The following EP300 variants were observed in gnomAD, a reference collection of about 807,000 sequenced individuals.
The protein encoded by EP300 is EP300 lysine acetyltransferase.
In EP300, 31 loss-of-function variants were observed where a neutral mutation model predicts 264.0. That is an observed-to-expected ratio of 0.12 (90% confidence interval 0.09 to 0.16). The LOEUF (loss-of-function observed/expected upper bound fraction) is 0.16, where lower values mean the gene tolerates loss of function less well. EP300 is among the 10% of genes least tolerant of loss of function. The probability of loss-of-function intolerance (pLI) is 1.00; values close to 1 mark genes in which losing one functional copy is unlikely to be tolerated. For missense variants in EP300, 2,766 were observed against 3,052.9 expected, an observed-to-expected ratio of 0.91 and a Z score of 2.21; for synonymous variants, 1,340 against 1,045.4, an observed-to-expected ratio of 1.28 and a Z score of -5.44.
At chr22:41,110,228 A>G (rs1014054458) in intron 1 of EP300, among the ~76,000 whole-genome samples, 18 of 143,136 alleles carry the variant, frequency 1.3e-4, no homozygotes, top group African/African-American at 3.6e-4. Context: ...CCTGGGCTCA[A>G]GCAGGCCCTT....
At chr22:41,163,415 A>G (rs2145755602) in intron 21 of EP300, among the ~76,000 whole-genome samples, 1 of 131,854 alleles carries the variant, frequency 7.6e-6, no homozygotes, top group East Asian at 2.2e-4. Flanking sequence ...AGCCTGGGCG[A>G]CAGAGCGAGA....
In EP300 at chr22:41,127,765, G is replaced by C; in HGVS notation, c.1168+17G>C. The stretch of plus-strand genomic sequence containing the variant: ...CTTGCCAAGGTAAGTGGACCCACAG[G>C]GTTACTGTACTTAGCAATTTTTACA... On this transcript the variant is annotated intron_variant, in intron 4 of 30. Coordinates refer to ENST00000263253, the MANE Select transcript of EP300 (RefSeq NM_001429.4). 1.2e-6 allele frequency: 2 copies of C among 1,613,950 alleles called. No homozygotes were observed. Among genetic ancestry groups the C allele is most frequent in the African/African-American group, 2.7e-5 (2 of 75,054 alleles).
chr22:41,116,812 G>T (rs1474152500), intron 1 of EP300, among the ~76,000 whole-genome samples: 1 of 152,130 alleles, frequency 6.6e-6, no homozygotes, highest in Non-Finnish European at 1.5e-5. Flanking sequence ...TGTAATCCCA[G>T]CACTTTGGAA....
Position 41,179,683 on chromosome 22 carries a change from G to A in EP300, c.*727G>A, listed in dbSNP as rs2145527348. The A allele has an allele frequency of 4.4e-6, 1 of 228,886 alleles. No individual in the cohort carries two copies. The highest frequency in any genetic ancestry group is 8.7e-6 in the Non-Finnish European group (1 of 115,528). The allele number at this position is 228,886 out of a possible 1,614,324, so 14.2% of individuals were successfully genotyped here. A position where few individuals can be genotyped will look rare whatever the true frequency, so the allele number is the denominator to read the frequency against. ...AATGACTTTTTCAAAAATATACAGGGGCAGCTGCCAAATTGATGTATTATA... is the reference window on the plus strand; with the variant it reads ...AATGACTTTTTCAAAAATATACAGGAGCAGCTGCCAAATTGATGTATTATA... On this transcript the variant is annotated 3_prime_UTR_variant, in exon 31 of 31. Transcript: ENST00000263253.
chr22:41,160,959 C>T (rs1416364488), intron 20 of EP300, among the ~76,000 whole-genome samples: 1 of 151,122 alleles, frequency 6.6e-6, no homozygotes, highest in African/African-American at 2.4e-5. Context: ...ACACAGAGAA[C>T]ATATCCATCA....
chr22:41,146,765 A>T lies in EP300; in HGVS notation c.2080A>T (p.Ile694Phe), dbSNP rs757439018. ...TGGCCCTCTACCTGACCCAAGTATG[A>T]TCCGTGGCAGTGTGCCAAACCAGAT... ...SNGPLPDPSM[I>F]RGSVPNQMMP... The change falls in exon 11 of 31, where the codon ATC becomes TTC. Residue 694 changes from isoleucine (I) to phenylalanine (F), a missense_variant. Transcript: ENST00000263253. The T allele has an allele frequency of 6.2e-7, 1 of 1,614,144 alleles. No homozygotes were observed. The highest frequency in any genetic ancestry group is 1.1e-5 in the South Asian group (1 of 91,082).
rs778019402 is a variant in EP300 at position 41,177,796 on chromosome 22, C to T, written c.6085C>T (p.Pro2029Ser). The change falls in exon 31 of 31, where the codon CCA becomes TCA. Residue 2029 changes from proline (P) to serine (S), a missense_variant. Transcript: ENST00000263253. The part of the protein sequence containing the change: ...AQHGQPLNMA[P>S]QPGLGQVGIS... ...GCATGGTCAACCTTTGAACATGGCT[C>T]CACAACCAGGATTGGGCCAGGTAGG... The T allele has an allele frequency of 6.2e-6, 10 of 1,613,922 alleles. No homozygotes were observed. The South Asian group carries it at 1.1e-4, about 18-fold the overall frequency.
intron 28 of EP300, among the ~76,000 whole-genome samples, chr22:41,173,014 T>C (rs2059179713): frequency 6.6e-6 from 1 of 152,306 alleles, no homozygotes; most frequent in East Asian, 1.9e-4. Context: ...TTTCTGTCTT[T>C]TAAAAACACA....
Position 41,177,530 on chromosome 22 carries a change from G to A in EP300, c.5819G>A (p.Arg1940His), listed in dbSNP as rs749239035. The A allele has an allele frequency of 1.2e-6, 2 of 1,614,136 alleles. No individual in the cohort carries two copies. The highest frequency in any genetic ancestry group is 1.7e-6 in the Non-Finnish European group (2 of 1,180,042). ...ATTCAGAGAGCAGCGGAGACGCAGC[G>A]CCAGATGGCCCACGTGCAAATTTTT... is the stretch of plus-strand genomic sequence containing the variant. ...MQIQRAAETQ[R>H]QMAHVQIFQR... The change falls in exon 31 of 31, where the codon CGC becomes CAC. Residue 1940 changes from arginine to histidine, a missense_variant. By Grantham distance (29) the Arg-to-His change is conservative. Transcript: ENST00000263253.
At chr22:41,140,996 TG>T in intron 9 of EP300, 51 bp from the exon 10 acceptor site, 1 of 1,538,816 alleles carries the variant, frequency 6.5e-7, no homozygotes, top group Non-Finnish European at 8.9e-7. Context: ...TGTTACCTGG[TG>T]GTAGTTCCTT....
intron 11 of EP300, among the ~76,000 whole-genome samples, chr22:41,147,508 C>A (rs949699675): frequency 1.3e-5 from 2 of 151,980 alleles, no homozygotes; most frequent in Non-Finnish European, 2.9e-5. Context: ...GAGGCTGAGG[C>A]GGGCAGATCA....
At chr22:41,128,096 G>A (rs1414013384) in intron 4 of EP300, among the ~76,000 whole-genome samples, 1 of 152,182 alleles carries the variant, frequency 6.6e-6, no homozygotes, top group Non-Finnish European at 1.5e-5. Flanking sequence ...AGCCCAGGAA[G>A]TCAAGGCTGC....
intron 22 of EP300, among the ~76,000 whole-genome samples, chr22:41,164,710 G>A (rs2059125472): frequency 1.3e-5 from 2 of 152,158 alleles, no homozygotes; most frequent in African/African-American, 2.4e-5. Context: ...GTGAGACTCT[G>A]TCTCAAAGAA....
chr22:41,096,701 C>T (rs1272278227), intron 1 of EP300, among the ~76,000 whole-genome samples: 5 of 146,902 alleles, frequency 3.4e-5, no homozygotes, highest in Non-Finnish European at 4.5e-5. Context: ...TCACTGCAAT[C>T]TCAACCTCCC....
chr22:41,118,490 T>C (rs1209384342), intron 2 of EP300, among the ~76,000 whole-genome samples: 2 of 152,294 alleles, frequency 1.3e-5, no homozygotes, highest in Non-Finnish European at 2.9e-5. Flanking sequence ...TCTGTTTTTC[T>C]TAAAATGGGA....
At chr22:41,170,277 T>C (rs2059162010) in intron 26 of EP300, 129 bp from the exon 27 acceptor site, 1 of 817,196 alleles carries the variant, frequency 1.2e-6, no homozygotes. Flanking sequence ...CATTCTGGGT[T>C]ATATATACAC....
Position 41,154,851 on chromosome 22 carries a change from G to T in EP300, c.3143-144G>T, listed in dbSNP as rs923441644. ...CTTAGAATCTAGAATCAGTGATTGA[G>T]CCTGTAGTGATATTTCCATGGGGAC... is the stretch of plus-strand genomic sequence containing the variant. On this transcript the variant is annotated intron_variant, in intron 16 of 30. Coordinates refer to ENST00000263253, the MANE Select transcript of EP300 (RefSeq NM_001429.4). The T allele has an allele frequency of 5.7e-5, 39 of 678,300 alleles. No homozygotes were observed. The African/African-American group carries it at 6.1e-4, about 11-fold the overall frequency. The allele number at this position is 678,300 out of a possible 1,614,324, so 42.0% of individuals were successfully genotyped here. A position where few individuals can be genotyped will look rare whatever the true frequency, so the allele number is the denominator to read the frequency against.
At position 41,130,075 on chromosome 22, in the gene EP300, C is replaced by T. The variant is rs958051182; in HGVS notation, c.1282+72C>T. 3 of 1,109,474 alleles carry T rather than the reference C, an allele frequency of 2.7e-6. No homozygotes were observed. The African/African-American group carries it at 4.6e-5, about 17-fold the overall frequency. 68.7% of individuals were successfully genotyped at this position (1,109,474 alleles called of 1,614,324 possible). On this transcript the variant is annotated intron_variant, in intron 5 of 30. Transcript: ENST00000263253. ...CTCACCAGTGCCATTTATAGTACTA[C>T]TTGATTATGTGAGGGACCTGTGGTG...
intron 2 of EP300, among the ~76,000 whole-genome samples, chr22:41,121,391 G>A (rs1047938491): frequency 6.6e-6 from 1 of 152,172 alleles, no homozygotes; most frequent in Non-Finnish European, 1.5e-5. Context: ...AGTGTGGGGA[G>A]TAAAGAAGCA....
Sources: gnomAD v4.1 joint callset for allele counts (sites outside exome capture counted in the v4.1 genomes callset) on GRCh38, gnomAD v4.1.1 for gene constraint, MANE v1.5 for transcripts, NCBI Gene and HGNC (gene_info 2026-07-23, HGNC 2026-07-21) for gene names.